Variants in PRDM1 observed in about 807,000 individuals in gnomAD.
The protein encoded by PRDM1 is PR domain zinc finger protein 1.
PRDM1 carries 13 observed loss-of-function variants against 62.8 expected under a neutral mutation model. The ratio of observed to expected loss-of-function variants is 0.21; its 90% CI spans 0.13 to 0.33. PRDM1 has a LOEUF of 0.33. PRDM1 is among the 10% of genes least tolerant of loss of function. The pLI, the probability that PRDM1 is intolerant of heterozygous loss-of-function variation, is 1.00. For synonymous variants in PRDM1, 396 were observed against 417.6 expected (o/e 0.95, Z 0.63); for missense variants, 895 against 1,058.8 (o/e 0.85, Z 2.15).
chr6:105,996,657 T>C (rs925931714), intron 1 of PRDM1, among the ~76,000 whole-genome samples: 1 of 152,234 alleles, frequency 6.6e-6, no homozygotes, highest in Non-Finnish European at 1.5e-5. Flanking sequence ...TCTGTGCAAA[T>C]AACCTGTCAT....
At chr6:106,044,514 G>A (rs1773045574), upstream of PRDM1, among the ~76,000 whole-genome samples, 1 of 152,148 alleles carries the variant, frequency 6.6e-6, no homozygotes, top group Non-Finnish European at 1.5e-5. Flanking sequence ...CAGCAGTACT[G>A]TTCAGTATCT....
chr6:106,030,769 C>T (rs1349371437), intron 1 of PRDM1, among the ~76,000 whole-genome samples: 3 of 152,026 alleles, frequency 2.0e-5, no homozygotes, highest in East Asian at 1.9e-4. Context: ...GGTCCAGCAC[C>T]GTATGCTAAA....
At chr6:106,018,537 C>T (rs1003364501) in intron 1 of PRDM1, among the ~76,000 whole-genome samples, 2 of 151,786 alleles carry the variant, frequency 1.3e-5, no homozygotes, top group Non-Finnish European at 2.9e-5. Context: ...GTCATGTTTT[C>T]TTCAGACTCT....
chr6:106,076,100 C>T (rs747980848), intron 1 of PRDM1, among the ~76,000 whole-genome samples: 6 of 151,916 alleles, frequency 3.9e-5, no homozygotes, highest in East Asian at 1.9e-4. Context: ...TACAGGTATG[C>T]GCCACTACAC....
intron 1 of PRDM1, among the ~76,000 whole-genome samples, chr6:106,029,735 T>G (rs1294562568): frequency 6.6e-6 from 1 of 152,110 alleles, no homozygotes; most frequent in African/African-American, 2.4e-5. Context: ...GCCTCCCTAG[T>G]AGCTGACACT....
chr6:106,051,395 G>C (rs142152552), intron 1 of PRDM1, among the ~76,000 whole-genome samples: 12 of 152,356 alleles, frequency 7.9e-5, no homozygotes, highest in Admixed American at 7.2e-4. Context: ...TAGGAGAGTG[G>C]ACTCACAGCA....
intron 1 of PRDM1, among the ~76,000 whole-genome samples, chr6:106,032,888 C>G (rs936102112): frequency 2.0e-5 from 3 of 152,194 alleles, no homozygotes; most frequent in African/African-American, 7.2e-5. Flanking sequence ...CATTAAGTTA[C>G]TTTTAAGTAA....
intron 1 of PRDM1, among the ~76,000 whole-genome samples, chr6:106,076,284 G>T (rs1013135753): frequency 6.6e-6 from 1 of 152,142 alleles, no homozygotes. Flanking sequence ...TCAAATTAAA[G>T]TATGTAAAAC....
At position 106,107,089 on chromosome 6, in the gene PRDM1, A is replaced by G. The variant is rs1653804629; in HGVS notation, c.2081A>G (p.Lys694Arg). 6.2e-7 allele frequency: 1 copy of G among 1,614,138 alleles called. No individual in the cohort carries two copies. The highest frequency in any genetic ancestry group is 8.5e-7 in the Non-Finnish European group (1 of 1,180,052). The change falls in exon 7 of 7, where the codon AAG becomes AGG. Residue 694 changes from lysine to arginine, a missense_variant. Around this residue, in one of 4 missense-constraint regions of PRDM1, gnomAD observed 164 missense variants for 179.9 expected, o/e 0.91. Transcript: ENST00000369096. ...CCCCACAAGTGCTCCCAGTGCCACA[A>G]GAACTACATCCATCTCTGTAGCCTC... ...ERPHKCSQCH[K>R]NYIHLCSLKV...
At chr6:105,996,903 G>A (rs1208996917) in intron 1 of PRDM1, among the ~76,000 whole-genome samples, 1 of 152,142 alleles carries the variant, frequency 6.6e-6, no homozygotes, top group Non-Finnish European at 1.5e-5. Context: ...ACATCACCAC[G>A]ATTTTGGTTT....
upstream of PRDM1, among the ~76,000 whole-genome samples, chr6:106,081,492 T>C (rs1773692940): frequency 6.6e-6 from 1 of 152,190 alleles, no homozygotes; most frequent in African/African-American, 2.4e-5. Context: ...CCCTTTCTGC[T>C]TCCTGACCTC....
intron 1 of PRDM1, among the ~76,000 whole-genome samples, chr6:106,018,586 A>G (rs184901651): frequency 1.4e-4 from 22 of 152,234 alleles, no homozygotes; most frequent in Non-Finnish European, 2.5e-4. Flanking sequence ...CTGGTTTTTC[A>G]TGACCTTAAC....
At chr6:106,029,557 T>C (rs1391519272) in intron 1 of PRDM1, among the ~76,000 whole-genome samples, 1 of 152,198 alleles carries the variant, frequency 6.6e-6, no homozygotes, top group African/African-American at 2.4e-5. Flanking sequence ...CTTTATGTTG[T>C]TGAGTAGTCC....
intron 1 of PRDM1, among the ~76,000 whole-genome samples, chr6:106,033,119 A>C (rs1002558195): frequency 1.2e-4 from 19 of 152,020 alleles, no homozygotes; most frequent in African/African-American, 4.6e-4. Flanking sequence ...CATAACATAA[A>C]ATTTACCATC....
At chr6:106,088,950 T>A (rs1582461117) in intron 2 of PRDM1, among the ~76,000 whole-genome samples, 1 of 152,208 alleles carries the variant, frequency 6.6e-6, no homozygotes, top group East Asian at 1.9e-4. Flanking sequence ...TGAAGTGAAG[T>A]GATGGTATAA....
intron 1 of PRDM1, among the ~76,000 whole-genome samples, chr6:106,034,409 A>T (rs141807221): frequency 5.3e-5 from 8 of 151,978 alleles, no homozygotes; most frequent in Non-Finnish European, 8.8e-5. Context: ...CCCCTTAGCA[A>T]TGCTTTTGCT....
In PRDM1 at chr6:106,107,422, G is replaced by A. The variant is rs1296446700; in HGVS notation, c.2414G>A (p.Ser805Asn). The change falls in exon 7 of 7, where the codon AGC becomes AAC. Residue 805 changes from serine (S) to asparagine (N), a missense_variant. Coordinates refer to ENST00000369096, the MANE Select transcript of PRDM1 (RefSeq NM_001198.4). Reference sequence around the variant, plus strand: ...CTACCCCTCATGAAGTTGCCTCCCAGCAACCCACTACCTCTGGTACCTGTA... The same window carrying A: ...CTACCCCTCATGAAGTTGCCTCCCAACAACCCACTACCTCTGGTACCTGTA... ...SDLPLMKLPP[S>N]NPLPLVPVKV... 1.4e-5 allele frequency: 22 copies of A among 1,614,124 alleles called. No homozygotes were observed. The highest frequency in any genetic ancestry group is 1.9e-5 in the Non-Finnish European group (22 of 1,180,008).
chr6:106,019,979 C>T (rs925092457), intron 1 of PRDM1, among the ~76,000 whole-genome samples: 4 of 150,838 alleles, frequency 2.7e-5, no homozygotes, highest in African/African-American at 9.7e-5. Flanking sequence ...CCTATAATCC[C>T]AGCACTTTGG....
chr6:106,025,760 A>T (rs746635206), intron 1 of PRDM1, among the ~76,000 whole-genome samples: 11 of 152,226 alleles, frequency 7.2e-5, no homozygotes. Flanking sequence ...GGAGTTAATA[A>T]GTTGTTTATG....
Sources: gnomAD v4.1 joint callset for allele counts (sites outside exome capture counted in the v4.1 genomes callset) on GRCh38, gnomAD v4.1.1 for gene constraint, gnomAD v4.1.1 regional missense constraint, MANE v1.5 for transcripts, NCBI Gene and HGNC (gene_info 2026-07-23, HGNC 2026-07-21) for gene names.